PRELID2: variants seen among roughly 807,000 people sequenced by gnomAD.
The protein encoded by PRELID2 is PRELI domain-containing protein 2.
In PRELID2, 25 loss-of-function variants were observed where a neutral mutation model predicts 28.4. The observed-to-expected ratio is 0.88, with a 90% CI of 0.64 to 1.23. The LOEUF (loss-of-function observed/expected upper bound fraction) is 1.23, where lower values mean the gene tolerates loss of function less well. Among genes scored for constraint, PRELID2 ranks in the 50% most tolerant of loss-of-function variants. The probability of loss-of-function intolerance (pLI) is 0.00; values close to 1 mark genes in which losing one functional copy is unlikely to be tolerated. For missense variants in PRELID2, 201 were observed against 214.4 expected (o/e 0.94, Z 0.39); for synonymous variants, 76 against 71.6 (o/e 1.06, Z -0.31).
chr5:145,467,697 C>T (rs138575966), downstream of PRELID2, among the ~76,000 whole-genome samples: 395 of 151,564 alleles, frequency 2.6e-3, 1 homozygote, highest in African/African-American at 9.1e-3. Flanking sequence ...CAATTCATGG[C>T]CTTAATTGTG....
At chr5:145,567,930 C>T (rs765514603) in intron 1 of PRELID2, among the ~76,000 whole-genome samples, 1 of 152,230 alleles carries the variant, frequency 6.6e-6, no homozygotes, top group South Asian at 2.1e-4. Flanking sequence ...AAATAAAATG[C>T]TATTTTCAAG....
chr5:145,588,522 A>G (rs759001945), intron 1 of PRELID2, among the ~76,000 whole-genome samples: 1 of 152,192 alleles, frequency 6.6e-6, no homozygotes, highest in Non-Finnish European at 1.5e-5. Flanking sequence ...ATTCATACTC[A>G]CATCTATATG....
At chr5:145,472,417 C>A (rs983782489) in intron 2 of PRELID2, among the ~76,000 whole-genome samples, 4 of 152,052 alleles carry the variant, frequency 2.6e-5, no homozygotes, top group African/African-American at 9.7e-5. Context: ...GTTAAGTGAC[C>A]TAGTTTATCA....
chr5:145,667,356 T>C (rs1754614871), intron 1 of PRELID2, among the ~76,000 whole-genome samples: 1 of 152,060 alleles, frequency 6.6e-6, no homozygotes, highest in African/African-American at 2.4e-5. Flanking sequence ...AAATACACAG[T>C]TGTATATTTT....
intron 1 of PRELID2, among the ~76,000 whole-genome samples, chr5:145,726,686 A>C (rs966586631): frequency 6.6e-6 from 1 of 152,204 alleles, no homozygotes; most frequent in African/African-American, 2.4e-5. Context: ...TGGATATACA[A>C]TTATGTAGGT....
the PRELID2 span, among the ~76,000 whole-genome samples, chr5:145,444,252 G>A: frequency 3.3e-5 from 5 of 151,994 alleles, no homozygotes; most frequent in Admixed American, 6.6e-5. Context: ...ATCTTGTTGG[G>A]CATAAAAGTT....
chr5:145,253,581 T>G, the PRELID2 span, among the ~76,000 whole-genome samples: 1 of 151,990 alleles, frequency 6.6e-6, no homozygotes, highest in Non-Finnish European at 1.5e-5. Flanking sequence ...AAGTCATGGC[T>G]TCAGGATGCA....
the PRELID2 span, among the ~76,000 whole-genome samples, chr5:145,448,307 G>T: frequency 3.1e-3 from 474 of 151,754 alleles, 5 homozygotes; most frequent in African/African-American, 0.011. Flanking sequence ...TCGCCCACTT[G>T]TTGATGGGGT....
chr5:145,570,716 T>C (rs960400097), intron 1 of PRELID2, among the ~76,000 whole-genome samples: 2 of 152,198 alleles, frequency 1.3e-5, no homozygotes, highest in Non-Finnish European at 2.9e-5. Context: ...CATGCACTCT[T>C]ACAACAGCTT....
the PRELID2 span, among the ~76,000 whole-genome samples, chr5:145,321,321 AT>A: frequency 6.6e-6 from 1 of 152,230 alleles, no homozygotes; most frequent in African/African-American, 2.4e-5. Flanking sequence ...CATAAATTCC[AT>A]TTCTAGAGAA....
rs1251251185 is a variant in PRELID2 at position 145,756,544 on chromosome 5, G to T, written c.*3992C>A. Among the ~76,000 whole-genome samples the T allele has an allele frequency of 6.6e-6, 1 of 152,156 alleles. No homozygotes were observed. The highest frequency in any genetic ancestry group is 1.5e-5 in the Non-Finnish European group (1 of 68,030). ...AATACACAAAAACACTAACACAGCT[G>T]GGGGAGACAATGGTTTATTGATCAA... On this transcript the variant is annotated 3_prime_UTR_variant, in exon 7 of 7. Transcript: ENST00000683046.
chr5:145,799,307 G>A (rs1752976985), intron 4 of PRELID2, among the ~76,000 whole-genome samples: 1 of 151,110 alleles, frequency 6.6e-6, no homozygotes, highest in South Asian at 2.1e-4. Context: ...AAATTAAGAT[G>A]TTCCTAAATA....
intron 1 of PRELID2, among the ~76,000 whole-genome samples, chr5:145,699,129 A>C (rs1232844985): frequency 6.6e-6 from 1 of 152,188 alleles, no homozygotes; most frequent in East Asian, 1.9e-4. Context: ...GAATGTGTGA[A>C]GAATAGAGTT....
chr5:145,466,814 A>T (rs1027694626), downstream of PRELID2, among the ~76,000 whole-genome samples: 1 of 151,954 alleles, frequency 6.6e-6, no homozygotes, highest in Non-Finnish European at 1.5e-5. Flanking sequence ...CTTAACCCCA[A>T]CCCACTCCCA....
chr5:145,642,128 C>A (rs531340982), intron 1 of PRELID2, among the ~76,000 whole-genome samples: 11 of 152,168 alleles, frequency 7.2e-5, no homozygotes, highest in African/African-American at 2.7e-4. Context: ...TACACCCCCA[C>A]CAACAGTGTA....
intron 1 of PRELID2, among the ~76,000 whole-genome samples, chr5:145,547,327 T>TG (rs1453133228): frequency 6.6e-6 from 1 of 152,180 alleles, no homozygotes; most frequent in Non-Finnish European, 1.5e-5. Flanking sequence ...ATAACCAGGC[T>TG]GGTCGGTGGT....
At chr5:145,428,513 A>C in the PRELID2 span, among the ~76,000 whole-genome samples, 1 of 152,152 alleles carries the variant, frequency 6.6e-6, no homozygotes, top group Non-Finnish European at 1.5e-5. Context: ...AATATAGAAT[A>C]TGTCAAAGGC....
intron 1 of PRELID2, among the ~76,000 whole-genome samples, chr5:145,542,493 C>A (rs1177648460): frequency 6.6e-6 from 1 of 152,054 alleles, no homozygotes; most frequent in South Asian, 2.1e-4. Flanking sequence ...CCCAACATTG[C>A]GCTCATGGTA....
At chr5:145,365,482 G>A in the PRELID2 span, among the ~76,000 whole-genome samples, 1 of 151,816 alleles carries the variant, frequency 6.6e-6, no homozygotes, top group Non-Finnish European at 1.5e-5. Context: ...GGAGCCAACT[G>A]TCCATTTGTT....
Sources: allele counts gnomAD v4.1 joint callset (sites outside exome capture counted in the v4.1 genomes callset), GRCh38; gene constraint gnomAD v4.1.1; transcripts MANE v1.5; gene names NCBI Gene and HGNC (gene_info 2026-07-23, HGNC 2026-07-21).